The following P4HA3 variants were observed in gnomAD, a reference collection of about 807,000 sequenced individuals.
The protein encoded by P4HA3 is prolyl 4-hydroxylase subunit alpha-3.
In P4HA3, 60 loss-of-function variants were observed where a neutral mutation model predicts 66.7. The observed-to-expected ratio is 0.90, with a 90% CI of 0.73 to 1.12. The LOEUF (loss-of-function observed/expected upper bound fraction) is 1.12. Ranked by LOEUF, P4HA3 falls within the 50% of genes most tolerant of loss-of-function variation. P4HA3 has a pLI of 0.00. For missense variants in P4HA3, 683 were observed against 685.8 expected (o/e 1.00, Z 0.05); for synonymous variants, 263 against 274.6 (o/e 0.96, Z 0.42).
At chr11:74,290,064 T>G (rs1365265891) in intron 4 of P4HA3, among the ~76,000 whole-genome samples, 1 of 152,072 alleles carries the variant, frequency 6.6e-6, no homozygotes, top group Non-Finnish European at 1.5e-5. Flanking sequence ...CCACCAACAG[T>G]GTAAAAGTGT....
chr11:74,294,629 G>A (rs1334843478), intron 4 of P4HA3, among the ~76,000 whole-genome samples: 1 of 152,088 alleles, frequency 6.6e-6, no homozygotes, highest in African/African-American at 2.4e-5. Flanking sequence ...TTTTGGTGTG[G>A]ATGTCCTTTC....
chr11:74,267,965 C>A (rs1392381666), intron 12 of P4HA3, among the ~76,000 whole-genome samples, 180 bp downstream of exon 12: 1 of 152,188 alleles, frequency 6.6e-6, no homozygotes, highest in Non-Finnish European at 1.5e-5. Flanking sequence ...GGAACCCCTG[C>A]CTGTTATAGG....
In P4HA3 at chr11:74,302,378, T is replaced by C. The variant is rs1475571953; in HGVS notation, c.558A>G (p.Gln186=). 1.3e-5 allele frequency: 21 copies of C among 1,612,188 alleles called. No homozygotes were observed. The highest frequency in any genetic ancestry group is 1.6e-5 in the Non-Finnish European group (19 of 1,179,550). Residue 186 remains glutamine (Q), a synonymous_variant, in exon 3 of 13, where the codon CAA becomes CAG. Transcript: ENST00000331597. ...LFSLTGDDCF[Q]VGKVAYDMGD... is the part of the protein sequence containing the mutation. Reference sequence around the variant, plus strand: ...TCTTGAATATTGTTACCTTGCCAACTTGGAAGCAGTCATCCCCTGTGAGAG... The same window carrying C: ...TCTTGAATATTGTTACCTTGCCAACCTGGAAGCAGTCATCCCCTGTGAGAG...
chr11:74,304,827 C>T (rs1861529635), intron 1 of P4HA3, among the ~76,000 whole-genome samples: 1 of 152,116 alleles, frequency 6.6e-6, no homozygotes, highest in East Asian at 1.9e-4. Context: ...TAGTGGTCCC[C>T]AACCTTTTTG....
At chr11:74,306,468 C>T (rs964671015) in intron 1 of P4HA3, among the ~76,000 whole-genome samples, 6 of 151,972 alleles carry the variant, frequency 3.9e-5, no homozygotes, top group Admixed American at 2.0e-4. Flanking sequence ...TTTTCCCGCT[C>T]GTTTTAAAAT....
intron 15 of P4HA3, among the ~76,000 whole-genome samples, chr11:74,259,656 G>A (rs12789265): frequency 6.6e-6 from 1 of 152,236 alleles, no homozygotes; most frequent in Non-Finnish European, 1.5e-5. Flanking sequence ...GCCTATTTTA[G>A]GTAGCTCATA....
intron 15 of P4HA3, among the ~76,000 whole-genome samples, chr11:74,259,420 C>G (rs1859874645): frequency 6.6e-6 from 1 of 152,076 alleles, no homozygotes; most frequent in East Asian, 1.9e-4. Context: ...AAACTTTTAA[C>G]CAGGATTTTT....
chr11:74,259,177 T>C (rs971999528), intron 15 of P4HA3, among the ~76,000 whole-genome samples: 2 of 152,120 alleles, frequency 1.3e-5, no homozygotes, highest in Admixed American at 6.5e-5. Context: ...GGTGGGCAGA[T>C]AGTGAGGCTT....
At chr11:74,257,272 C>T (rs1408693813) in intron 15 of P4HA3, among the ~76,000 whole-genome samples, 2 of 152,120 alleles carry the variant, frequency 1.3e-5, no homozygotes, top group South Asian at 4.1e-4. Context: ...TTTCAGGTGC[C>T]TGCCACCACG....
At chr11:74,251,868 G>C (rs1390408290) in intron 15 of P4HA3, 1 of 973,008 alleles carries the variant, frequency 1.0e-6, no homozygotes, top group Non-Finnish European at 1.7e-6. Context: ...TGGCATGTCT[G>C]TTTCTACAAA....
intron 4 of P4HA3, among the ~76,000 whole-genome samples, chr11:74,292,339 C>A (rs1024639533): frequency 6.6e-6 from 1 of 151,934 alleles, no homozygotes; most frequent in African/African-American, 2.4e-5. Flanking sequence ...TCTCTCTTTT[C>A]TTCTTTATTA....
At chr11:74,293,757 G>A (rs973278311) in intron 4 of P4HA3, among the ~76,000 whole-genome samples, 114 of 152,312 alleles carry the variant, frequency 7.5e-4, no homozygotes, top group African/African-American at 2.6e-3. Flanking sequence ...TTTTCTTTAA[G>A]AATGTTGAAT....
rs1161068656 is a variant in P4HA3, at chr11:74,286,252, C to T, written c.909G>A (p.Gly303=). ...PHLQTRDTYE[G]LCQTLGSQPT... The stretch of plus-strand genomic sequence containing the variant: ...CCTGGGAACCCAGGGTCTGACATAG[C>T]CCCTCGTAGGTGTCTCTGGTCTGCA... The change falls in exon 6 of 13, where the codon GGG becomes GGA. Residue 303 remains glycine (G), a synonymous_variant. Coordinates refer to ENST00000331597, the MANE Select transcript of P4HA3 (RefSeq NM_182904.5). 2 of 1,612,790 alleles carry T rather than the reference C, an allele frequency of 1.2e-6. No homozygotes were observed. Among genetic ancestry groups the T allele is most frequent in the African/African-American group, 1.3e-5 (1 of 74,842 alleles).
chr11:74,251,913 A>G (rs767668928), intron 15 of P4HA3: 2 of 775,056 alleles, frequency 2.6e-6, no homozygotes, highest in Non-Finnish European at 4.6e-6. Flanking sequence ...CTGTGCTCCC[A>G]CGGGTTGATG....
At position 74,277,027 on chromosome 11, in the gene P4HA3, A is replaced by G. The variant is rs757910281; in HGVS notation, c.1293T>C (p.Tyr431=). ...GAGGCTCATAGTGTCCTCCGATGCCATAGTTCACCACCTGCAGATACTCTG... is the reference window on the plus strand; with the variant it reads ...GAGGCTCATAGTGTCCTCCGATGCCGTAGTTCACCACCTGCAGATACTCTG... The part of the protein sequence containing the change: ...PYAEYLQVVN[Y]GIGGHYEPHF... Residue 431 remains tyrosine (Y), a synonymous_variant, in exon 9 of 13, where the codon TAT becomes TAC. Transcript: ENST00000331597. The G allele has an allele frequency of 1.1e-5, 17 of 1,613,954 alleles. No individual in the cohort carries two copies. In the South Asian group the frequency reaches 1.2e-4, roughly 11 times the overall value.
In P4HA3 at chr11:74,286,261, G is replaced by C. The variant is rs750727053; in HGVS notation, c.900C>G (p.Thr300=). ...CCAGGGTCTGACATAGCCCCTCGTA[G>C]GTGTCTCTGGTCTGCAGGTGGGGTA... ...PNIPHLQTRD[T]YEGLCQTLGS... is the part of the protein sequence containing the mutation. Residue 300 remains threonine (T), a synonymous_variant, in exon 6 of 13, where the codon ACC becomes ACG. Transcript: ENST00000331597. 6.2e-7 allele frequency: 1 copy of C among 1,613,096 alleles called. No individual in the cohort carries two copies. The highest frequency in any genetic ancestry group is 1.1e-5 in the South Asian group (1 of 90,910).
intron 7 of P4HA3, among the ~76,000 whole-genome samples, chr11:74,279,788 C>T (rs1436324181): frequency 6.6e-6 from 1 of 152,148 alleles, no homozygotes; most frequent in Non-Finnish European, 1.5e-5. Flanking sequence ...AGAACAGGGG[C>T]TATTTCTCAT....
At chr11:74,286,105 T>G in intron 6 of P4HA3, 120 bp from the exon 7 acceptor site, 1 of 1,481,404 alleles carries the variant, frequency 6.8e-7, no homozygotes, top group Non-Finnish European at 9.2e-7. Context: ...GTCACTCTGA[T>G]GCTGCCCAAG....
At position 74,266,995 on chromosome 11, in the gene P4HA3, C is replaced by G; in HGVS notation, c.*253G>C. The G allele has an allele frequency of 1.3e-6, 2 of 1,486,222 alleles. No homozygotes were observed. Among genetic ancestry groups the G allele is most frequent in the Non-Finnish European group, 1.8e-6 (2 of 1,117,252 alleles). 92.1% of individuals were successfully genotyped at this position (1,486,222 alleles called of 1,614,324 possible). On this transcript the variant is annotated 3_prime_UTR_variant, in exon 13 of 13. Coordinates refer to ENST00000331597, the MANE Select transcript of P4HA3 (RefSeq NM_182904.5). ...GTATCTGAACTCCAGAAACTTCCCTCTCAGGCCTCCACTCCCCCCTCCTTT... is the reference window on the plus strand; with the variant it reads ...GTATCTGAACTCCAGAAACTTCCCTGTCAGGCCTCCACTCCCCCCTCCTTT...
Sources: gnomAD v4.1 joint callset for allele counts (sites outside exome capture counted in the v4.1 genomes callset) on GRCh38, gnomAD v4.1.1 for gene constraint, MANE v1.5 for transcripts, NCBI Gene and HGNC (gene_info 2026-07-23, HGNC 2026-07-21) for gene names.